DRC8: variants seen among roughly 807,000 people sequenced by gnomAD.
DRC8 encodes dynein regulatory complex subunit 8.
chr1:245,031,331 G>A, the DRC8 span, among the ~76,000 whole-genome samples: 8 of 151,984 alleles, frequency 5.3e-5, no homozygotes, highest in African/African-American at 1.9e-4. Context: ...CAGATAGAGG[G>A]GAGCTGGGAA....
chr1:245,016,523 C>A, the DRC8 span, among the ~76,000 whole-genome samples: 3 of 152,146 alleles, frequency 2.0e-5, no homozygotes, highest in Non-Finnish European at 4.4e-5. Flanking sequence ...CTGTTTATTC[C>A]TTCCTCTATT....
the DRC8 span, among the ~76,000 whole-genome samples, chr1:244,995,084 C>T: frequency 2.4e-4 from 36 of 152,088 alleles, no homozygotes; most frequent in African/African-American, 7.7e-4. Context: ...GGTTCTCGGC[C>T]GGGCGCGGTG....
At chr1:244,970,695 C>A in the DRC8 span, 2 of 493,298 alleles carry the variant, frequency 4.1e-6, no homozygotes, top group South Asian at 5.5e-5. Context: ...CTCCCCTCTT[C>A]CCTCCCTCTT....
chr1:245,034,600 CAAAAAAAAAA>C, the DRC8 span, among the ~76,000 whole-genome samples: 1 of 39,492 alleles, frequency 2.5e-5, no homozygotes. Context: ...GACTCCATCT[CAAAAAAAAAA>C]AAAAAAAAAA....
chr1:245,002,292 C>T, the DRC8 span: 1 of 1,400,462 alleles, frequency 7.1e-7, no homozygotes, highest in Non-Finnish European at 9.9e-7. Flanking sequence ...ATCTCTCTGC[C>T]TCCAGCCTTG....
chr1:245,113,055 C>T, the DRC8 span, among the ~76,000 whole-genome samples: 1 of 152,158 alleles, frequency 6.6e-6, no homozygotes, highest in African/African-American at 2.4e-5. Context: ...CACCTGGCCC[C>T]TGATACTATT....
chr1:244,980,040 TAAAAAAA>T, the DRC8 span, among the ~76,000 whole-genome samples: 8 of 34,758 alleles, frequency 2.3e-4, no homozygotes, highest in Admixed American at 4.7e-4. Context: ...CCGTCTCTAC[TAAAAAAA>T]AAAAAAAAAA....
chr1:244,977,756 T>A, the DRC8 span, among the ~76,000 whole-genome samples: 8 of 152,170 alleles, frequency 5.3e-5, no homozygotes, highest in Non-Finnish European at 5.9e-5. Context: ...AAATATATTC[T>A]GAAAAGAATA....
At chr1:245,059,456 G>C in the DRC8 span, 2 of 1,612,512 alleles carry the variant, frequency 1.2e-6, no homozygotes, top group Non-Finnish European at 1.7e-6. Flanking sequence ...TCTGATTGCA[G>C]AGGTGAGTAC....
chr1:245,083,513 A>T, the DRC8 span: 1 of 1,592,822 alleles, frequency 6.3e-7, no homozygotes, highest in Non-Finnish European at 8.6e-7. Context: ...ATATGCATAT[A>T]CATATATATA....
the DRC8 span, among the ~76,000 whole-genome samples, chr1:245,105,014 G>C: frequency 1.3e-5 from 2 of 152,284 alleles, no homozygotes; most frequent in East Asian, 3.9e-4. Flanking sequence ...CCGCACGTTG[G>C]ACTTGTCCGA....
the DRC8 span, among the ~76,000 whole-genome samples, chr1:245,061,752 A>G: frequency 6.6e-6 from 1 of 152,254 alleles, no homozygotes; most frequent in Admixed American, 6.5e-5. Context: ...ATATTGCTAA[A>G]TGTTCTATAA....
At chr1:245,033,106 C>T in the DRC8 span, among the ~76,000 whole-genome samples, 18 of 152,324 alleles carry the variant, frequency 1.2e-4, no homozygotes, top group African/African-American at 4.3e-4. Context: ...GGCCTCACAG[C>T]ACGGCTAGTC....
At chr1:245,042,027 G>A in the DRC8 span, among the ~76,000 whole-genome samples, 1 of 152,160 alleles carries the variant, frequency 6.6e-6, no homozygotes, top group Admixed American at 6.5e-5. Flanking sequence ...ACAATCATGG[G>A]TATGGTGCTG....
At chr1:245,017,894 G>A in the DRC8 span, among the ~76,000 whole-genome samples, 5 of 152,164 alleles carry the variant, frequency 3.3e-5, no homozygotes, top group Admixed American at 1.3e-4. Flanking sequence ...GAGATTAGAC[G>A]CTAATAAGAA....
At chr1:244,998,751 A>G in the DRC8 span, among the ~76,000 whole-genome samples, 3 of 152,194 alleles carry the variant, frequency 2.0e-5, no homozygotes, top group Non-Finnish European at 4.4e-5. Context: ...AGCTAATGCC[A>G]TGGCACTAGG....
At chr1:245,117,794 C>A in the DRC8 span, among the ~76,000 whole-genome samples, 1 of 152,092 alleles carries the variant, frequency 6.6e-6, no homozygotes, top group Non-Finnish European at 1.5e-5. Context: ...CGTGGCAAAA[C>A]CTCATCTCTA....
the DRC8 span, chr1:244,970,367 C>A: frequency 6.6e-7 from 1 of 1,522,720 alleles, no homozygotes. Flanking sequence ...GCCGGGACAC[C>A]GCGGCCGAGG....
At chr1:245,087,426 CATCTT>C in the DRC8 span, 59 of 1,511,090 alleles carry the variant, frequency 3.9e-5, no homozygotes, top group Non-Finnish European at 4.7e-5. Flanking sequence ...GTTAATTTCA[CATCTT>C]ATCTTAGGAT....
Sources: gnomAD v4.1 joint callset for allele counts (sites outside exome capture counted in the v4.1 genomes callset) on GRCh38, gnomAD v4.1.1 for gene constraint, MANE v1.5 for transcripts, NCBI Gene and HGNC (gene_info 2026-07-23, HGNC 2026-07-21) for gene names.